Variants in NTM observed in about 807,000 individuals in gnomAD.
The protein encoded by NTM is IgLON family member 2.
In NTM, 13 loss-of-function variants were observed where a neutral mutation model predicts 42.1. The ratio of observed to expected loss-of-function variants is 0.31; its 90% CI spans 0.20 to 0.49. The LOEUF (loss-of-function observed/expected upper bound fraction) is 0.49. Ranked by LOEUF, NTM falls within the 20% of genes least tolerant of loss-of-function variation. The pLI is 0.99. For missense variants in NTM, 373 were observed against 452.8 expected (o/e 0.82, Z 1.60); for synonymous variants, 187 against 179.2 (o/e 1.04, Z -0.35).
chr11:131,977,167 C>G (rs549689093), intron 2 of NTM, among the ~76,000 whole-genome samples: 2 of 152,348 alleles, frequency 1.3e-5, no homozygotes, highest in East Asian at 3.9e-4. Flanking sequence ...TCTGCTACCC[C>G]ACTCACCAGT....
chr11:132,092,795 G>C (rs1484552049), intron 2 of NTM, among the ~76,000 whole-genome samples: 1 of 152,296 alleles, frequency 6.6e-6, no homozygotes, highest in East Asian at 1.9e-4. Flanking sequence ...GTGGTCCCTT[G>C]CCAAGAGGAT....
At chr11:131,437,731 CTT>C (rs1187146557) in intron 1 of NTM, among the ~76,000 whole-genome samples, 2 of 152,176 alleles carry the variant, frequency 1.3e-5, no homozygotes, top group Admixed American at 1.3e-4. Flanking sequence ...GGTCTTGACT[CTT>C]TATCCAATTT....
intron 7 of NTM, among the ~76,000 whole-genome samples, chr11:132,323,242 C>T: frequency 6.6e-6 from 1 of 150,988 alleles, no homozygotes; most frequent in Admixed American, 6.6e-5. Context: ...AATCCAGGAG[C>T]TGGTTTTTTG....
At chr11:131,603,702 CA>C (rs2060680863) in intron 1 of NTM, among the ~76,000 whole-genome samples, 1 of 152,186 alleles carries the variant, frequency 6.6e-6, no homozygotes, top group Non-Finnish European at 1.5e-5. Context: ...CCCGTACACT[CA>C]GCACTGGGCA....
intron 2 of NTM, among the ~76,000 whole-genome samples, chr11:131,940,265 T>G (rs1336978729): frequency 6.6e-6 from 1 of 152,178 alleles, no homozygotes; most frequent in East Asian, 1.9e-4. Flanking sequence ...CACGTGCAAC[T>G]TATGTACAGT....
intron 1 of NTM, among the ~76,000 whole-genome samples, chr11:131,894,528 C>T (rs999816388): frequency 1.6e-4 from 24 of 152,162 alleles, no homozygotes; most frequent in African/African-American, 5.8e-4. Flanking sequence ...ATTGAAACCC[C>T]AGGCAAAGGG....
At chr11:132,202,212 C>T (rs1355812164) in intron 3 of NTM, among the ~76,000 whole-genome samples, 2 of 152,012 alleles carry the variant, frequency 1.3e-5, no homozygotes, top group South Asian at 4.2e-4. Flanking sequence ...ACTTGTGTAA[C>T]CTCTCCAAGC....
chr11:132,247,147 T>C (rs1006582553), intron 4 of NTM, among the ~76,000 whole-genome samples: 3 of 152,174 alleles, frequency 2.0e-5, no homozygotes, highest in Admixed American at 6.5e-5. Context: ...GAACTTGACA[T>C]GCACACATCT....
intron 1 of NTM, among the ~76,000 whole-genome samples, chr11:131,559,324 T>C (rs1035655970): frequency 1.3e-5 from 2 of 152,254 alleles, no homozygotes; most frequent in South Asian, 2.1e-4. Context: ...AAAAAACTTA[T>C]CTACGACTGC....
chr11:131,668,184 C>T (rs556332677), intron 1 of NTM, among the ~76,000 whole-genome samples: 22 of 152,252 alleles, frequency 1.4e-4, no homozygotes, highest in African/African-American at 4.3e-4. Context: ...TATCACCTTA[C>T]GTTCTTGTGG....
At chr11:131,818,013 T>A (rs1001821489) in intron 1 of NTM, among the ~76,000 whole-genome samples, 12 of 151,664 alleles carry the variant, frequency 7.9e-5, no homozygotes, top group African/African-American at 2.7e-4. Context: ...CTGAAGATGA[T>A]AGGCGGGGGA....
chr11:131,506,249 T>A (rs567407794), intron 1 of NTM, among the ~76,000 whole-genome samples: 8 of 152,270 alleles, frequency 5.3e-5, no homozygotes, highest in African/African-American at 1.9e-4. Flanking sequence ...GGAGGGCTTT[T>A]CTCAGGGGGT....
chr11:131,587,853 C>T (rs771131101), intron 1 of NTM, among the ~76,000 whole-genome samples: 2 of 152,132 alleles, frequency 1.3e-5, no homozygotes. Flanking sequence ...GAGATCAAAA[C>T]AAGTTCAGGG....
chr11:131,945,370 C>T (rs1289795468), intron 2 of NTM, among the ~76,000 whole-genome samples: 3 of 152,130 alleles, frequency 2.0e-5, no homozygotes, highest in Non-Finnish European at 4.4e-5. Context: ...CACAGCCTTG[C>T]GTCAACCTGG....
chr11:131,563,495 C>T (rs565399857), intron 1 of NTM, among the ~76,000 whole-genome samples: 5 of 151,000 alleles, frequency 3.3e-5, no homozygotes, highest in Non-Finnish European at 5.9e-5. Context: ...TTCTTCCCAC[C>T]GGGTGATGGG....
At chr11:131,512,361 A>G (rs1406062031) in intron 1 of NTM, among the ~76,000 whole-genome samples, 1 of 152,214 alleles carries the variant, frequency 6.6e-6, no homozygotes, top group South Asian at 2.1e-4. Flanking sequence ...TCAGTAGACC[A>G]CGTCTGCTCC....
intron 1 of NTM, among the ~76,000 whole-genome samples, chr11:131,631,159 C>T (rs1416874124): frequency 6.6e-6 from 1 of 152,150 alleles, no homozygotes; most frequent in Admixed American, 6.5e-5. Flanking sequence ...TGGTTACTCT[C>T]CCTGGCTTTC....
chr11:132,322,405 A>C (rs2136297509), intron 7 of NTM, among the ~76,000 whole-genome samples: 1 of 146,186 alleles, frequency 6.8e-6, no homozygotes, highest in Middle Eastern at 3.4e-3. Flanking sequence ...CAGACTTTAA[A>C]CCAACAAAGA....
At chr11:132,190,014 C>T (rs751765604) in intron 3 of NTM, among the ~76,000 whole-genome samples, 2 of 152,142 alleles carry the variant, frequency 1.3e-5, no homozygotes, top group Admixed American at 6.5e-5. Flanking sequence ...GTGATATACT[C>T]GATCAGAGTG....
Sources: gnomAD v4.1 joint callset for allele counts (sites outside exome capture counted in the v4.1 genomes callset) on GRCh38, gnomAD v4.1.1 for gene constraint, MANE v1.5 for transcripts, NCBI Gene and HGNC (gene_info 2026-07-23, HGNC 2026-07-21) for gene names.